The following NFIB variants were observed in gnomAD, a reference collection of about 807,000 sequenced individuals.
NFIB encodes nuclear factor I B, also known as nuclear factor 1 B-type.
Under a neutral mutation model 61.5 loss-of-function variants are expected in NFIB, and 11 were observed. The ratio of observed to expected loss-of-function variants is 0.18; its 90% CI spans 0.11 to 0.30. The LOEUF is 0.30. NFIB is among the 10% of genes least tolerant of loss of function. The pLI, the probability that NFIB is intolerant of heterozygous loss-of-function variation, is 1.00. For missense variants in NFIB, 471 were observed against 608.9 expected (o/e 0.77, Z 2.38); for synonymous variants, 260 against 216.5 (o/e 1.20, Z -1.76).
At position 14,189,590 on chromosome 9, in the gene NFIB, T is replaced by TC. The variant is rs527383778; in HGVS notation, c.563-9811dup. 2.5e-4 allele frequency among the ~76,000 whole-genome samples: 28 copies of TC among 112,986 alleles called. 1 individual carries two copies. The South Asian group carries it at 7.4e-3, about 30-fold the overall frequency. The allele number at this position is 112,986 out of a possible 152,430, so 74.1% of individuals were successfully genotyped here. A position where few individuals can be genotyped will look rare whatever the true frequency, so the allele number is the denominator to read the frequency against. ...TTTAAGGTTTAATTAGTACTCCTCC[T>TC]CCCCCTCCTAAAAAAAAAAAAATCC... is the stretch of plus-strand genomic sequence containing the variant. On this transcript the variant is annotated intron_variant, in intron 2 of 10. Coordinates refer to ENST00000380953, the MANE Select transcript of NFIB (RefSeq NM_001190737.2).
intron 2 of NFIB, among the ~76,000 whole-genome samples, chr9:14,184,504 T>TTTAGTTTGGA (rs58219408): frequency 0.75 from 113,992 of 151,596 alleles, 45,400 homozygotes; most frequent in South Asian, 0.95. Flanking sequence ...ATAAATCAAA[T>TTTAGTTTGGA]TTGTCTCCAT....
At chr9:14,347,586 G>A (rs1218712860) in intron 1 of NFIB, among the ~76,000 whole-genome samples, 3 of 149,658 alleles carry the variant, frequency 2.0e-5, no homozygotes, top group African/African-American at 7.4e-5. Flanking sequence ...GCGATTGGGA[G>A]AGGGGAGAAG....
chr9:14,499,183 G>C, the NFIB span, among the ~76,000 whole-genome samples: 4 of 152,148 alleles, frequency 2.6e-5, no homozygotes, highest in South Asian at 8.3e-4. Flanking sequence ...TTTTCTTCTA[G>C]TGAGCCATCT....
At chr9:14,096,074 C>A (rs1310669159) in intron 10 of NFIB, among the ~76,000 whole-genome samples, 1 of 152,148 alleles carries the variant, frequency 6.6e-6, no homozygotes, top group Non-Finnish European at 1.5e-5. Flanking sequence ...CATATCCCTA[C>A]TAACAGCACT....
At chr9:14,321,019 G>A (rs1411499173) in intron 1 of NFIB, among the ~76,000 whole-genome samples, 2 of 152,022 alleles carry the variant, frequency 1.3e-5, no homozygotes, top group Non-Finnish European at 2.9e-5. Flanking sequence ...GCAGAAGATG[G>A]CCATGTTCAC....
At chr9:14,364,442 T>C (rs945230800) in intron 1 of NFIB, among the ~76,000 whole-genome samples, 1 of 152,222 alleles carries the variant, frequency 6.6e-6, no homozygotes, top group Non-Finnish European at 1.5e-5. Context: ...AATACTAGCG[T>C]CTGGCTGGAT....
the NFIB span, among the ~76,000 whole-genome samples, chr9:14,411,408 G>A: frequency 4.7e-3 from 713 of 152,272 alleles, 9 homozygotes; most frequent in African/African-American, 0.015. Context: ...ATGCAGGGGG[G>A]TGTGGCTCAG....
chr9:14,148,291 T>C (rs917924289), intron 5 of NFIB, among the ~76,000 whole-genome samples: 1 of 151,898 alleles, frequency 6.6e-6, no homozygotes, highest in Non-Finnish European at 1.5e-5. Flanking sequence ...CCTTGCTAAT[T>C]AAAAAAATTT....
At position 14,345,095 on chromosome 9, in the gene NFIB, G is replaced by A. The variant is rs1045261136; in HGVS notation, c.109-37575C>T. On this transcript the variant is annotated intron_variant, in intron 1 of 8. Transcript: ENST00000380934. ...TCTCCTGAGCTCGGCCTCCCTGGGG[G>A]AACTGGCCATTAACACACTTTCGCG... Among the ~76,000 whole-genome samples, 10 of 152,226 alleles carry A rather than the reference G, an allele frequency of 6.6e-5. No individual in the cohort carries two copies. The East Asian group carries it at 1.2e-3, about 18-fold the overall frequency.
At chr9:14,134,080 T>G (rs1328704134) in intron 6 of NFIB, among the ~76,000 whole-genome samples, 1 of 152,078 alleles carries the variant, frequency 6.6e-6, no homozygotes, top group African/African-American at 2.4e-5. Context: ...ATGGTTTAAA[T>G]AAAATTCAAA....
At chr9:14,381,544 T>C (rs548520095) in intron 1 of NFIB, among the ~76,000 whole-genome samples, 1 of 152,362 alleles carries the variant, frequency 6.6e-6, no homozygotes, top group South Asian at 2.1e-4. Flanking sequence ...ATCATTACTT[T>C]GGACCAATGT....
intron 10 of NFIB, chr9:14,102,519 T>C: frequency 6.5e-7 from 1 of 1,550,050 alleles, no homozygotes; most frequent in African/African-American, 1.4e-5. Flanking sequence ...AGCTGTCAAT[T>C]GAAACCTAGC....
At chr9:14,242,982 G>A (rs947755338) in intron 2 of NFIB, among the ~76,000 whole-genome samples, 33 of 152,234 alleles carry the variant, frequency 2.2e-4, no homozygotes, top group African/African-American at 6.7e-4. Context: ...AGATAAGAGG[G>A]TTTACCAAAT....
intron 2 of NFIB, among the ~76,000 whole-genome samples, chr9:14,247,152 C>T (rs1381983652): frequency 6.6e-6 from 1 of 152,188 alleles, no homozygotes; most frequent in Non-Finnish European, 1.5e-5. Context: ...ACCATTTAAG[C>T]CACCCAGTCT....
chr9:14,347,908 C>T (rs2061051305), intron 1 of NFIB, among the ~76,000 whole-genome samples: 1 of 152,156 alleles, frequency 6.6e-6, no homozygotes, highest in Non-Finnish European at 1.5e-5. Flanking sequence ...CGCCAGGGAG[C>T]TTTGGAGCGA....
intron 10 of NFIB, among the ~76,000 whole-genome samples, chr9:14,108,197 T>A (rs1022224035): frequency 6.6e-6 from 1 of 152,084 alleles, no homozygotes; most frequent in Non-Finnish European, 1.5e-5. Context: ...CGTCAAGCTG[T>A]CAATTATGAT....
the NFIB span, among the ~76,000 whole-genome samples, chr9:14,486,725 A>G: frequency 6.6e-6 from 1 of 152,216 alleles, no homozygotes; most frequent in Non-Finnish European, 1.5e-5. Context: ...ATACACACAC[A>G]GAGAGTTAAG....
At chr9:14,181,403 CAG>C (rs1248885605) in intron 2 of NFIB, among the ~76,000 whole-genome samples, 1 of 152,160 alleles carries the variant, frequency 6.6e-6, no homozygotes, top group Admixed American at 6.5e-5. Context: ...TGAAGACAGT[CAG>C]AGAGCTGAGA....
the NFIB span, among the ~76,000 whole-genome samples, chr9:14,492,829 G>C: frequency 3.3e-5 from 5 of 152,150 alleles, no homozygotes; most frequent in Non-Finnish European, 7.4e-5. Context: ...AAGAGGCTAA[G>C]GGCCATGATG....
Sources: gnomAD v4.1 joint callset for allele counts (sites outside exome capture counted in the v4.1 genomes callset) on GRCh38, gnomAD v4.1.1 for gene constraint, MANE v1.5 for transcripts, NCBI Gene and HGNC (gene_info 2026-07-23, HGNC 2026-07-21) for gene names.